The following C10orf88 variants were observed in gnomAD, a reference collection of about 807,000 sequenced individuals.
C10orf88 encodes the protein ATPase PAAT.
C10orf88 carries 29 observed loss-of-function variants against 34.2 expected under a neutral mutation model. The observed-to-expected ratio is 0.85, with a 90% CI of 0.63 to 1.16. The LOEUF (loss-of-function observed/expected upper bound fraction) is 1.16. Ranked by LOEUF, C10orf88 falls within the 50% of genes most tolerant of loss-of-function variation. The pLI is 0.00. For missense variants in C10orf88, 507 were observed against 533.2 expected, an observed-to-expected ratio of 0.95 and a Z score of 0.48; for synonymous variants, 194 against 197.4, an observed-to-expected ratio of 0.98 and a Z score of 0.15.
intron 5 of C10orf88, chr10:122,933,527 T>G (rs1441733727): frequency 6.6e-6 from 1 of 152,198 alleles, no homozygotes; most frequent in African/African-American, 2.4e-5. Flanking sequence ...ATGATTCTTT[T>G]GGGAATTCAC....
At chr10:122,950,004 C>T (rs1848676300) in intron 3 of C10orf88, among the ~76,000 whole-genome samples, 1 of 152,302 alleles carries the variant, frequency 6.6e-6, no homozygotes, top group African/African-American at 2.4e-5. Context: ...TGGCTTCTAT[C>T]CCTGTAGTTT....
At chr10:122,944,565 C>G (rs901968683) in intron 4 of C10orf88, among the ~76,000 whole-genome samples, 1 of 152,014 alleles carries the variant, frequency 6.6e-6, no homozygotes, top group Non-Finnish European at 1.5e-5. Flanking sequence ...TCACAATGTA[C>G]ATAAAACTCA....
chr10:122,948,248 A>G lies in C10orf88; in HGVS notation c.648+401T>C, dbSNP rs781090308. 3.6e-4 allele frequency among the ~76,000 whole-genome samples: 55 copies of G among 151,966 alleles called. 1 individual carries two copies. Among genetic ancestry groups the G allele is most frequent in the Non-Finnish European group, 1.3e-4 (9 of 67,956 alleles). Reference sequence around the variant, plus strand: ...CTTCCAAATTTACTTGTCTAATCCCACCCTACATTTTAAAGGCCTAGATAA... The same window carrying G: ...CTTCCAAATTTACTTGTCTAATCCCGCCCTACATTTTAAAGGCCTAGATAA... On this transcript the variant is annotated intron_variant, in intron 4 of 5. Coordinates refer to ENST00000481909, the MANE Select transcript of C10orf88 (RefSeq NM_024942.4).
rs901316412 is a variant in C10orf88, at chr10:122,932,352, TATAA to T, written c.*71_*74del. The T allele has an allele frequency of 7.4e-5, 92 of 1,246,346 alleles. No homozygotes were observed. Among genetic ancestry groups the T allele is most frequent in the Non-Finnish European group, 9.7e-5 (87 of 897,362 alleles). 77.2% of individuals were successfully genotyped at this position (1,246,346 alleles called of 1,614,324 possible). ...CAAAGGACATTAAATACTTGCTTTT[TATAA>T]ATATTTTTGGGTTTTGGCTTTGTAA... On this transcript the variant is annotated 3_prime_UTR_variant, in exon 6 of 6. Transcript: ENST00000481909.
intron 3 of C10orf88, among the ~76,000 whole-genome samples, chr10:122,951,504 G>A (rs556452313): frequency 5.5e-4 from 83 of 151,846 alleles, no homozygotes; most frequent in South Asian, 5.2e-3. Flanking sequence ...ACTGCACGTG[G>A]CTCATGGTTA....
chr10:122,942,765 C>A (rs1378029881), intron 4 of C10orf88, among the ~76,000 whole-genome samples: 1 of 151,132 alleles, frequency 6.6e-6, no homozygotes, highest in Non-Finnish European at 1.5e-5. Flanking sequence ...GAGTGAACTC[C>A]CATTCACAAT....
In C10orf88 at chr10:122,946,667, G is replaced by T. The variant is rs567170339; in HGVS notation, c.648+1982C>A. Among the ~76,000 whole-genome samples the T allele has an allele frequency of 7.2e-5, 11 of 152,224 alleles. No homozygotes were observed. The South Asian group carries it at 2.1e-3, about 29-fold the overall frequency. The stretch of plus-strand genomic sequence containing the variant: ...CAACCAATACAAAAACAACAACAAA[G>T]TGGTCAAAAGGGCACTGATGAAACT... On this transcript the variant is annotated intron_variant, in intron 4 of 5. Coordinates refer to ENST00000481909, the MANE Select transcript of C10orf88 (RefSeq NM_024942.4).
intron 4 of C10orf88, among the ~76,000 whole-genome samples, chr10:122,947,278 T>A (rs1848648815): frequency 6.6e-6 from 1 of 152,210 alleles, no homozygotes; most frequent in African/African-American, 2.4e-5. Context: ...ATACTGGTAC[T>A]ACATTAATAT....
intron 4 of C10orf88, 55 bp from the exon 5 acceptor site, chr10:122,938,214 T>C: frequency 7.1e-7 from 1 of 1,408,300 alleles, no homozygotes; most frequent in East Asian, 2.3e-5. Context: ...AGCTAACTTT[T>C]GGAGTAATTA....
chr10:122,943,567 T>C (rs899683082), intron 4 of C10orf88, among the ~76,000 whole-genome samples: 14 of 151,994 alleles, frequency 9.2e-5, no homozygotes, highest in East Asian at 3.9e-4. Flanking sequence ...CAAAAGAAAC[T>C]ACCATCAGAG....
At position 122,951,948 on chromosome 10, in the gene C10orf88, A is replaced by G. The variant is rs1309112614; in HGVS notation, c.441+6T>C. On this transcript the variant is annotated splice_donor_region_variant and intron_variant, in intron 3 of 5. Coordinates refer to ENST00000481909, the MANE Select transcript of C10orf88 (RefSeq NM_024942.4). ...TTGTCAAATTAGTTTACAACTGACA[A>G]CTTACCTTTATTTTACAAGCATGTG... 1 of 1,527,300 alleles carries G rather than the reference A, an allele frequency of 6.5e-7. No homozygotes were observed. Among genetic ancestry groups the G allele is most frequent in the Admixed American group, 1.8e-5 (1 of 56,660 alleles). 94.6% of individuals were successfully genotyped at this position (1,527,300 alleles called of 1,614,324 possible). A position where few individuals can be genotyped will look rare whatever the true frequency, so the allele number is the denominator to read the frequency against.
At chr10:122,944,070 G>A (rs1848612631) in intron 4 of C10orf88, among the ~76,000 whole-genome samples, 1 of 151,900 alleles carries the variant, frequency 6.6e-6, no homozygotes, top group Non-Finnish European at 1.5e-5. Flanking sequence ...AAAGACACAT[G>A]CACACATATA....
At chr10:122,940,223 T>C (rs1164717960) in intron 4 of C10orf88, among the ~76,000 whole-genome samples, 1 of 151,980 alleles carries the variant, frequency 6.6e-6, no homozygotes, top group African/African-American at 2.4e-5. Flanking sequence ...TACAATGAAA[T>C]ACCATTCAGC....
intron 4 of C10orf88, among the ~76,000 whole-genome samples, chr10:122,939,018 C>A (rs570035823): frequency 6.6e-6 from 1 of 152,114 alleles, no homozygotes; most frequent in African/African-American, 2.4e-5. Context: ...TGCTGTTCAA[C>A]AGCTGGTGAA....
chr10:122,938,031 A>G lies in C10orf88; in HGVS notation c.777T>C (p.Phe259=). The G allele has an allele frequency of 1.9e-6, 3 of 1,613,394 alleles. No individual in the cohort carries two copies. Among genetic ancestry groups the G allele is most frequent in the Non-Finnish European group, 2.5e-6 (3 of 1,179,504 alleles). Residue 259 remains phenylalanine (F), a synonymous_variant, in exon 5 of 6, where the codon TTT becomes TTC. Transcript: ENST00000481909. The part of the protein sequence containing the change: ...LNKSSSTPFP[F]RTGLTSGNVT... ...CGTTCCCAGATGTCAATCCAGTTCT[A>G]AAAGGAAAAGGTGTGGAGGACGACT...
chr10:122,954,064 C>A lies in C10orf88; in HGVS notation c.115G>T (p.Gly39Cys). ...TCCTCCCAGTCGAAGTCACCGGGGCCGAGACCGGCCCGGGTGAGGAGGAGG... is the reference window on the plus strand; with the variant it reads ...TCCTCCCAGTCGAAGTCACCGGGGCAGAGACCGGCCCGGGTGAGGAGGAGG... ...HSLLLTRAGL[G>C]PGDFDWEELL... Residue 39 changes from glycine to cysteine, a missense_variant, in exon 1 of 6, where the codon GGC (glycine) becomes TGC (cysteine). Transcript: ENST00000481909. 6.5e-7 allele frequency: 1 copy of A among 1,549,606 alleles called. No homozygotes were observed. The highest frequency in any genetic ancestry group is 2.5e-5 in the East Asian group (1 of 39,952).
intron 4 of C10orf88, 59 bp from the exon 5 acceptor site, chr10:122,938,218 G>T: frequency 7.3e-7 from 1 of 1,371,012 alleles, no homozygotes; most frequent in Non-Finnish European, 1.0e-6. Context: ...AACTTTTGGA[G>T]TAATTACTAT....
intron 4 of C10orf88, among the ~76,000 whole-genome samples, chr10:122,945,194 A>C (rs866448295): frequency 6.6e-6 from 1 of 152,068 alleles, no homozygotes; most frequent in Non-Finnish European, 1.5e-5. Context: ...GAGCTAAAAA[A>C]TTCCAGTCCC....
In C10orf88 at chr10:122,951,642, T is replaced by TTA. The variant is rs1218470760; in HGVS notation, c.441+311_441+312insTA. Among the ~76,000 whole-genome samples, 4 of 152,314 alleles carry TTA rather than the reference T, an allele frequency of 2.6e-5. No homozygotes were observed. The East Asian group carries it at 7.7e-4, about 29-fold the overall frequency. ...AAGTAATTTCTTTGTACATGTTTAC[T>TTA]AAGTATTTCTGAGCCTCATCTCTAC... On this transcript the variant is annotated intron_variant, in intron 3 of 5. Transcript: ENST00000481909.
Sources: allele counts gnomAD v4.1 joint callset (sites outside exome capture counted in the v4.1 genomes callset), GRCh38; gene constraint gnomAD v4.1.1; transcripts MANE v1.5; gene names NCBI Gene and HGNC (gene_info 2026-07-23, HGNC 2026-07-21).